Variants in MCF2L observed in about 807,000 individuals in gnomAD.
The protein encoded by MCF2L is guanine nucleotide exchange factor DBS.
Under a neutral mutation model 153.4 loss-of-function variants are expected in MCF2L, and 97 were observed. The observed-to-expected ratio is 0.63, with a 90% CI of 0.54 to 0.75. MCF2L has a LOEUF of 0.75. Ranked by LOEUF, MCF2L falls within the 30% of genes least tolerant of loss-of-function variation. The probability of loss-of-function intolerance (pLI) is 0.00; values close to 1 mark genes in which losing one functional copy is unlikely to be tolerated. For missense variants in MCF2L, 1,347 were observed against 1,495.2 expected, an observed-to-expected ratio of 0.90 and a Z score of 1.64; for synonymous variants, 659 against 632.2, an observed-to-expected ratio of 1.04 and a Z score of -0.64.
intron 2 of MCF2L, among the ~76,000 whole-genome samples, chr13:112,954,021 G>A (rs1039143447): frequency 1.2e-4 from 19 of 152,230 alleles, no homozygotes; most frequent in Non-Finnish European, 1.8e-4. Context: ...CTTGGCTTGT[G>A]CACCACTGCC....
chr13:113,041,326 C>T (rs1347952969), intron 3 of MCF2L, among the ~76,000 whole-genome samples: 1 of 152,228 alleles, frequency 6.6e-6, no homozygotes, highest in Non-Finnish European at 1.5e-5. Context: ...GGTCCTCACT[C>T]CTGTGAGCAG....
chr13:113,087,660 G>A, intron 22 of MCF2L, 47 bp from the exon 23 acceptor site: 1 of 1,491,550 alleles, frequency 6.7e-7, no homozygotes, highest in Admixed American at 1.7e-5. Flanking sequence ...AAACAAGGCA[G>A]TGGGTTCACT....
At chr13:113,090,195 C>T (rs372493221) in intron 26 of MCF2L, 165 of 1,498,324 alleles carry the variant, frequency 1.1e-4, no homozygotes, top group Middle Eastern at 8.7e-4. Flanking sequence ...CCACCCTCAC[C>T]GTGGTGGCGT....
intron 27 of MCF2L, chr13:113,095,264 G>A (rs1383618182): frequency 2.5e-6 from 3 of 1,190,836 alleles, no homozygotes; most frequent in Non-Finnish European, 3.2e-6. Context: ...ATGCCCCAAG[G>A]CTGGAGGTGC....
chr13:113,066,969 C>T (rs1201868080), intron 8 of MCF2L, among the ~76,000 whole-genome samples: 3 of 152,268 alleles, frequency 2.0e-5, no homozygotes, highest in African/African-American at 2.4e-5. Context: ...ATGCCAAGGG[C>T]CCCGGGGACT....
At position 112,983,067 on chromosome 13, in the gene MCF2L, G is replaced by T. The variant is rs1282444085; in HGVS notation, c.79+13609G>T. 3.3e-5 allele frequency among the ~76,000 whole-genome samples: 5 copies of T among 152,046 alleles called. No individual in the cohort carries two copies. Among genetic ancestry groups the T allele is most frequent in the Non-Finnish European group, 7.4e-5 (5 of 67,984 alleles). On this transcript the variant is annotated intron_variant, in intron 1 of 29. Transcript: ENST00000535094. The surrounding 1 kb of genome is among the most constrained non-coding windows in gnomAD (Gnocchi z 4.0). ...CCTTTGGGTGTGGAAAGTGGTGGGG[G>T]CAGCCAGGCTGGTTCAGTGCAAGGC... is the stretch of plus-strand genomic sequence containing the variant.
At chr13:113,003,023 T>A (rs2083467463) in intron 1 of MCF2L, among the ~76,000 whole-genome samples, 1 of 147,060 alleles carries the variant, frequency 6.8e-6, no homozygotes, top group African/African-American at 2.6e-5. Context: ...AAAAAAAAAA[T>A]TAATAGGCTG....
At chr13:112,988,500 G>A (rs184417231) in intron 1 of MCF2L, among the ~76,000 whole-genome samples, 268 of 151,982 alleles carry the variant, frequency 1.8e-3, no homozygotes, top group Middle Eastern at 3.4e-3. Flanking sequence ...TCCTGAGCAG[G>A]GGATGGAGCT....
At chr13:112,992,791 G>A (rs995737047) in intron 1 of MCF2L, among the ~76,000 whole-genome samples, 2 of 152,214 alleles carry the variant, frequency 1.3e-5, no homozygotes, top group African/African-American at 4.8e-5. Flanking sequence ...CTCCTATACT[G>A]TAAATCTACA....
chr13:113,033,283 T>A (rs80098004), intron 3 of MCF2L, among the ~76,000 whole-genome samples: 378 of 17,398 alleles, frequency 0.022, 30 homozygotes, highest in East Asian at 0.071. Flanking sequence ...GAGTGGCCCC[T>A]GTGACATTAG....
At chr13:112,900,279 T>A (rs1165041380) in intron 1 of MCF2L, among the ~76,000 whole-genome samples, 1 of 152,264 alleles carries the variant, frequency 6.6e-6, no homozygotes, top group Non-Finnish European at 1.5e-5. Context: ...TCCTCAGGTC[T>A]GTGCCCCTCC....
At chr13:113,094,470 G>T in intron 26 of MCF2L, 44 bp from the exon 27 acceptor site, 1 of 1,576,106 alleles carries the variant, frequency 6.3e-7, no homozygotes. Context: ...TGCAGACAGC[G>T]GCTCATCACC....
intron 17 of MCF2L, among the ~76,000 whole-genome samples, chr13:113,083,244 G>A (rs942184470): frequency 1.1e-4 from 17 of 152,198 alleles, no homozygotes; most frequent in Admixed American, 1.0e-3. Context: ...ATGCGGCCAT[G>A]TGCTTGGGGA....
rs1387045632 is a variant in MCF2L, at chr13:113,050,582, C to T, written c.369+5221C>T. ...CACATTTGCAAAGTACGATTGTATG[C>T]GGCCCCCCTGTGCCAGCTACTGGGG... On this transcript the variant is annotated intron_variant, in intron 4 of 29. Transcript: ENST00000535094. 1.0e-4 allele frequency among the ~76,000 whole-genome samples: 15 copies of T among 147,434 alleles called. No homozygotes were observed. In the South Asian group the frequency reaches 3.1e-3, roughly 31 times the overall value.
chr13:113,016,512 A>T lies in MCF2L; in HGVS notation c.163+1666A>T, dbSNP rs2084525114. Among the ~76,000 whole-genome samples, 3 of 152,258 alleles carry T rather than the reference A, an allele frequency of 2.0e-5. No homozygotes were observed. In the South Asian group the frequency reaches 6.2e-4, roughly 32 times the overall value. On this transcript the variant is annotated intron_variant, in intron 2 of 29. Transcript: ENST00000535094. The stretch of plus-strand genomic sequence containing the variant: ...ACCCTGAGCAGAGACCCGCAAGCTG[A>T]TAAGTGCCTGAGCGTCAATGGTCTT...
At chr13:113,034,947 C>G (rs2086058531) in intron 3 of MCF2L, among the ~76,000 whole-genome samples, 1 of 152,064 alleles carries the variant, frequency 6.6e-6, no homozygotes, top group African/African-American at 2.4e-5. Flanking sequence ...GCCCGCAGTC[C>G]CGGGCGGTGG....
chr13:113,089,695 G>A lies in MCF2L; in HGVS notation c.2920G>A (p.Ala974Thr), dbSNP rs1024460261. 2 of 1,613,914 alleles carry A rather than the reference G, an allele frequency of 1.2e-6. No homozygotes were observed. The highest frequency in any genetic ancestry group is 4.5e-5 in the East Asian group (2 of 44,886). ...PLSLEGYVSSAPLTKPPEKGK... is the reference protein window; with the variant it reads ...PLSLEGYVSSTPLTKPPEKGK... ...AAGCCTGGAGGGATACGTCAGCTCA[G>A]CGCCACTGACAAAGCCCCCCGAAAA... Residue 974 changes from alanine (A) to threonine (T), a missense_variant, in exon 26 of 30, where the codon GCG becomes ACG. By Grantham distance (58) the Ala-to-Thr change is moderately conservative. Transcript: ENST00000535094.
At chr13:112,929,454 T>C (rs1296758011) in intron 2 of MCF2L, among the ~76,000 whole-genome samples, 2 of 152,238 alleles carry the variant, frequency 1.3e-5, no homozygotes, top group South Asian at 2.1e-4. Context: ...TTTATCGGGA[T>C]GGGAGCCTGC....
At chr13:112,924,086 T>C (rs757876600) in intron 2 of MCF2L, among the ~76,000 whole-genome samples, 10 of 151,908 alleles carry the variant, frequency 6.6e-5, no homozygotes, top group Non-Finnish European at 1.3e-4. Context: ...TTTGACGACA[T>C]GGTTAAGAAG....
Sources: gnomAD v4.1 joint callset for allele counts (sites outside exome capture counted in the v4.1 genomes callset) on GRCh38, gnomAD v4.1.1 for gene constraint, Gnocchi (gnomAD v3.1) non-coding constraint, MANE v1.5 for transcripts, NCBI Gene and HGNC (gene_info 2026-07-23, HGNC 2026-07-21) for gene names.